The following HSF2BP variants were observed in gnomAD, a reference collection of about 807,000 sequenced individuals.
The protein encoded by HSF2BP is heat shock factor 2-binding protein.
A neutral mutation model predicts 35.0 loss-of-function variants in HSF2BP; 35 were observed. That is an observed-to-expected ratio of 1.00 (90% CI 0.76 to 1.32). The LOEUF is 1.32. Among genes scored for constraint, HSF2BP ranks in the 40% most tolerant of loss-of-function variants. The pLI is 0.00. For synonymous variants in HSF2BP, 114 were observed against 117.4 expected (o/e 0.97, Z 0.18); for missense variants, 326 against 321.7 (o/e 1.01, Z -0.10).
chr21:43,589,342 C>A (rs887785663), intron 8 of HSF2BP, among the ~76,000 whole-genome samples: 2 of 152,094 alleles, frequency 1.3e-5, no homozygotes, highest in Admixed American at 1.3e-4. Flanking sequence ...CAGGAGTGAC[C>A]CTTGTGTCTC....
Position 43,658,086 on chromosome 21 carries a change from G to A in HSF2BP, c.11C>T (p.Ala4Val). Residue 4 changes from alanine to valine, a missense_variant, in exon 2 of 9, where the codon GCG (alanine) becomes GTG (valine). Transcript: ENST00000291560. Reference protein sequence around the residue: MGEAGAAEEACRHM... With the variant: MGEVGAAEEACRHM... ...CCGGCAGGCCTCCTCAGCGGCGCCC[G>A]CTTCGCCCATGGCCGCTGCCGCCTC... is the stretch of plus-strand genomic sequence containing the variant. The A allele has an allele frequency of 4.6e-6, 7 of 1,535,038 alleles. No homozygotes were observed. The highest frequency in any genetic ancestry group is 3.6e-5 in the South Asian group (3 of 83,820).
chr21:43,615,733 C>G (rs1369284176), intron 6 of HSF2BP, among the ~76,000 whole-genome samples: 3 of 152,094 alleles, frequency 2.0e-5, no homozygotes, highest in Admixed American at 1.3e-4. Context: ...GAATATGACA[C>G]ATTCTAGTTT....
chr21:43,467,797 ACATTACACAG>A, the HSF2BP span, among the ~76,000 whole-genome samples: 1 of 90,222 alleles, frequency 1.1e-5, no homozygotes, highest in African/African-American at 4.7e-5. Flanking sequence ...CACACACCAC[ACATTACACAG>A]CACACCACAC....
intron 8 of HSF2BP, among the ~76,000 whole-genome samples, chr21:43,574,005 G>T (rs758649039): frequency 1.5e-4 from 23 of 152,134 alleles, no homozygotes; most frequent in Admixed American, 6.5e-5. Context: ...CCAAGCCATC[G>T]ACGGGCTTCT....
chr21:43,592,328 C>T lies in HSF2BP; in HGVS notation c.693G>A (p.Val231=), dbSNP rs1469575251. The stretch of plus-strand genomic sequence containing the variant: ...CATTGTATAGGGACATCAGCATTAG[C>T]CTGAAATGTAAAAGAAAAAGGTGTT... ...LKPGQCTKLK[V]LMLMSLYNVS... The change falls in exon 8 of 9, where the codon GTG becomes GTA. Residue 231 remains valine, a splice_region_variant and synonymous_variant. Transcript: ENST00000291560. 6.2e-7 allele frequency: 1 copy of T among 1,604,036 alleles called. No individual in the cohort carries two copies. Among genetic ancestry groups the T allele is most frequent in the Non-Finnish European group, 8.5e-7 (1 of 1,170,968 alleles).
intron 7 of HSF2BP, among the ~76,000 whole-genome samples, chr21:43,612,080 A>G (rs1046706806): frequency 6.6e-6 from 1 of 152,182 alleles, no homozygotes; most frequent in African/African-American, 2.4e-5. Context: ...AAGACTCTGA[A>G]AACAGGACGA....
chr21:43,656,277 G>A lies in HSF2BP; in HGVS notation c.187+310C>T, dbSNP rs117212653. On this transcript the variant is annotated intron_variant, in intron 3 of 8. Transcript: ENST00000291560. ...TTTGGCAAGATCCTTAACTTACACA[G>A]TAAGTACTTAATTTTCAGAATAGAG... Among the ~76,000 whole-genome samples, 1,239 of 152,286 alleles carry A rather than the reference G, an allele frequency of 8.1e-3. 7 individuals are homozygous for A. Among genetic ancestry groups the A allele is most frequent in the Non-Finnish European group, 0.013 (875 of 68,032 alleles).
the HSF2BP span, among the ~76,000 whole-genome samples, chr21:43,496,007 A>C: frequency 2.4e-5 from 3 of 125,030 alleles, 1 homozygote; most frequent in East Asian, 6.9e-4. Context: ...TCTCTCTCTC[A>C]AACACACGTG....
At position 43,604,802 on chromosome 21, in the gene HSF2BP, G is replaced by A. The variant is rs546883779; in HGVS notation, c.692+9028C>T. On this transcript the variant is annotated intron_variant, in intron 7 of 8. Transcript: ENST00000291560. ...ACACCACACACATGCCACACTACAC[G>A]CCACACACACCACCCACATCGCACA... Among the ~76,000 whole-genome samples the A allele has an allele frequency of 2.8e-4, 22 of 77,520 alleles. No individual in the cohort carries two copies. The South Asian group carries it at 4.2e-3, about 15-fold the overall frequency. The allele number at this position is 77,520 out of a possible 152,430, so 50.9% of individuals were successfully genotyped here.
intron 7 of HSF2BP, among the ~76,000 whole-genome samples, chr21:43,605,134 A>G (rs1310198654): frequency 4.7e-5 from 7 of 148,512 alleles, no homozygotes. Context: ...CACAGATACC[A>G]CACACACATC....
intron 4 of HSF2BP, among the ~76,000 whole-genome samples, chr21:43,634,409 A>G (rs1411428040): frequency 6.6e-6 from 1 of 152,222 alleles, no homozygotes; most frequent in Non-Finnish European, 1.5e-5. Context: ...TAATAAGACA[A>G]AAACTGAAAA....
intron 6 of HSF2BP, among the ~76,000 whole-genome samples, chr21:43,622,991 G>A (rs2082348238): frequency 6.8e-6 from 1 of 147,942 alleles, no homozygotes; most frequent in African/African-American, 2.5e-5. Context: ...TTTTCGTAGA[G>A]ATAGGATCTT....
chr21:43,467,959 T>C, the HSF2BP span, among the ~76,000 whole-genome samples: 76 of 13,532 alleles, frequency 5.6e-3, 3 homozygotes, highest in East Asian at 0.011. Flanking sequence ...CACACCACAC[T>C]TACACCACAC....
At chr21:43,578,854 C>T (rs1044455824) in intron 8 of HSF2BP, among the ~76,000 whole-genome samples, 39 of 152,208 alleles carry the variant, frequency 2.6e-4, no homozygotes, top group Non-Finnish European at 5.9e-5. Flanking sequence ...TCTCTGTGGC[C>T]TGGCAGGGCA....
Position 43,656,663 on chromosome 21 carries a change from T to C in HSF2BP, c.111A>G (p.Gln37=). ...GTATTCTGGGTAAGAAGTCCCGTAT[T>C]TGCATCACTTCAGTTGTCAGCCGTT... ...DLERLTTEVM[Q]IRDFLPRILN... The change falls in exon 3 of 9, where the codon CAA becomes CAG. Residue 37 remains glutamine, a synonymous_variant. Transcript: ENST00000291560. The C allele has an allele frequency of 6.2e-7, 1 of 1,613,988 alleles. No individual in the cohort carries two copies. The highest frequency in any genetic ancestry group is 2.2e-5 in the East Asian group (1 of 44,864).
At chr21:43,653,256 A>T (rs1397690361) in intron 3 of HSF2BP, among the ~76,000 whole-genome samples, 6 of 98,156 alleles carry the variant, frequency 6.1e-5, no homozygotes, top group Non-Finnish European at 1.0e-4. Context: ...AGGGGAGGGG[A>T]GGGAAGGGAA....
At chr21:43,468,019 ACACACAGCACACAC>A in the HSF2BP span, among the ~76,000 whole-genome samples, 1 of 120,468 alleles carries the variant, frequency 8.3e-6, no homozygotes, top group Non-Finnish European at 1.7e-5. Flanking sequence ...CACAAACCAT[ACACACAGCACACAC>A]CACACCACAC....
intron 8 of HSF2BP, among the ~76,000 whole-genome samples, chr21:43,576,647 G>A (rs929946102): frequency 6.6e-6 from 1 of 152,208 alleles, no homozygotes. Context: ...GGATGACACA[G>A]TTATAATCTT....
intron 4 of HSF2BP, among the ~76,000 whole-genome samples, chr21:43,636,118 G>A (rs2082550170): frequency 6.6e-6 from 1 of 150,618 alleles, no homozygotes; most frequent in African/African-American, 2.4e-5. Context: ...GAGCCTGGAA[G>A]GTCGAAGCTG....
Sources: allele counts gnomAD v4.1 joint callset (sites outside exome capture counted in the v4.1 genomes callset), GRCh38; gene constraint gnomAD v4.1.1; transcripts MANE v1.5; gene names NCBI Gene and HGNC (gene_info 2026-07-23, HGNC 2026-07-21).